The following DLGAP1 variants were observed in gnomAD, a reference collection of about 807,000 sequenced individuals.
The protein encoded by DLGAP1 is DLG associated protein 1, also known as disks large-associated protein 1.
DLGAP1 carries 11 observed loss-of-function variants against 90.8 expected under a neutral mutation model. The observed-to-expected ratio is 0.12, with a 90% CI of 0.08 to 0.20. DLGAP1 has a LOEUF of 0.20. Ranked by LOEUF, DLGAP1 falls within the 10% of genes least tolerant of loss-of-function variation. The probability of loss-of-function intolerance (pLI) is 1.00; values close to 1 mark genes in which losing one functional copy is unlikely to be tolerated. For missense variants in DLGAP1, 1,050 were observed against 1,333.8 expected (o/e 0.79, Z 3.31); for synonymous variants, 558 against 540.7 (o/e 1.03, Z -0.44).
At chr18:3,558,565 G>A (rs2053893095) in intron 9 of DLGAP1, among the ~76,000 whole-genome samples, 1 of 152,120 alleles carries the variant, frequency 6.6e-6, no homozygotes, top group Non-Finnish European at 1.5e-5. Context: ...CTGTTGGTAG[G>A]TGCATACATG....
At chr18:3,756,659 A>G (rs1310949504) in intron 5 of DLGAP1, among the ~76,000 whole-genome samples, 5 of 152,070 alleles carry the variant, frequency 3.3e-5, no homozygotes, top group Admixed American at 2.6e-4. Context: ...AGAAAAACGA[A>G]TTAGTTGTTT....
intron 1 of DLGAP1, among the ~76,000 whole-genome samples, chr18:4,413,193 A>G (rs1016026029): frequency 1.3e-5 from 2 of 152,136 alleles, no homozygotes; most frequent in Non-Finnish European, 2.9e-5. Context: ...GGAATCTAGT[A>G]TTGGTAGGAG....
intron 2 of DLGAP1, among the ~76,000 whole-genome samples, chr18:4,035,645 T>A (rs1044827082): frequency 1.3e-5 from 2 of 152,214 alleles, no homozygotes; most frequent in African/African-American, 2.4e-5. Flanking sequence ...AATAAATCCG[T>A]TGAGCTCAGA....
intron 10 of DLGAP1, among the ~76,000 whole-genome samples, chr18:3,511,808 T>C (rs781698566): frequency 3.9e-5 from 6 of 152,224 alleles, no homozygotes; most frequent in Non-Finnish European, 8.8e-5. Context: ...TCTCCACTCC[T>C]ATCCCATTCC....
intron 8 of DLGAP1, among the ~76,000 whole-genome samples, chr18:3,579,914 TGG>T (rs2055387819): frequency 6.6e-6 from 1 of 152,194 alleles, no homozygotes; most frequent in South Asian, 2.1e-4. Context: ...CCCACATCTA[TGG>T]GAAGTGATTC....
chr18:4,172,517 G>A (rs910517108), intron 1 of DLGAP1, among the ~76,000 whole-genome samples: 5 of 152,178 alleles, frequency 3.3e-5, no homozygotes, highest in African/African-American at 9.7e-5. Context: ...GGAGAGAAAT[G>A]GTGGGATTCC....
intron 10 of DLGAP1, among the ~76,000 whole-genome samples, chr18:3,518,118 A>G (rs890957704): frequency 6.6e-6 from 1 of 152,210 alleles, no homozygotes; most frequent in African/African-American, 2.4e-5. Flanking sequence ...CTTTTGATTA[A>G]AAGTGACAGA....
intron 1 of DLGAP1, among the ~76,000 whole-genome samples, chr18:4,451,992 A>G (rs1171954248): frequency 1.3e-5 from 2 of 152,182 alleles, no homozygotes; most frequent in Non-Finnish European, 2.9e-5. Context: ...GTACCAGGGG[A>G]AATATAATTA....
chr18:3,657,682 A>G (rs1477625871), intron 7 of DLGAP1, among the ~76,000 whole-genome samples: 1 of 149,500 alleles, frequency 6.7e-6, no homozygotes, highest in Non-Finnish European at 1.5e-5. Flanking sequence ...GGCTCACTGC[A>G]AGCTCCGCCT....
chr18:4,057,072 T>C (rs1389859436), intron 2 of DLGAP1, among the ~76,000 whole-genome samples: 1 of 133,926 alleles, frequency 7.5e-6, no homozygotes, highest in African/African-American at 2.8e-5. Flanking sequence ...TTACAGCAGG[T>C]AGTTAGACAG....
At position 4,060,490 on chromosome 18, in the gene DLGAP1, C is replaced by T. The variant is rs57887250; in HGVS notation, c.-158-55289G>A. Among the ~76,000 whole-genome samples, 407 of 152,318 alleles carry T rather than the reference C, an allele frequency of 2.7e-3. 4 individuals carry two copies. The highest frequency in any genetic ancestry group is 7.5e-3 in the African/African-American group (313 of 41,568). ...AATCTTCAACCTGCAACTTTAACCT[C>T]GACAGTCCTGCCTCGGAGGTTTAAA... On this transcript the variant is annotated intron_variant, in intron 2 of 12. Transcript: ENST00000315677.
chr18:4,408,750 T>C (rs1261848812), intron 1 of DLGAP1, among the ~76,000 whole-genome samples: 1 of 152,156 alleles, frequency 6.6e-6, no homozygotes, highest in African/African-American at 2.4e-5. Flanking sequence ...ACATATATTA[T>C]TCATATATTA....
intron 3 of DLGAP1, among the ~76,000 whole-genome samples, chr18:3,938,286 T>C (rs1021347751): frequency 6.6e-6 from 1 of 152,064 alleles, no homozygotes; most frequent in African/African-American, 2.4e-5. Flanking sequence ...TGCAGCTCAG[T>C]GGTAGAGATT....
At chr18:4,173,255 A>C (rs1282385519) in intron 1 of DLGAP1, among the ~76,000 whole-genome samples, 1 of 152,236 alleles carries the variant, frequency 6.6e-6, no homozygotes, top group African/African-American at 2.4e-5. Flanking sequence ...CAGGGAATTC[A>C]AGGTTTTCTG....
intron 5 of DLGAP1, among the ~76,000 whole-genome samples, chr18:3,787,480 CAAAAAAAAAAAAAAAAA>C (rs1189558362): frequency 3.1e-5 from 2 of 63,804 alleles, no homozygotes; most frequent in African/African-American, 1.3e-4. Flanking sequence ...AACTCCATCT[CAAAAAAAAAAAAAAAAA>C]AAAAAAAAAA....
At chr18:4,090,933 T>G (rs2075764988) in intron 2 of DLGAP1, among the ~76,000 whole-genome samples, 5 of 152,190 alleles carry the variant, frequency 3.3e-5, no homozygotes, top group Admixed American at 3.3e-4. Context: ...TGAGACCACA[T>G]CCTTTGCAGG....
intron 10 of DLGAP1, among the ~76,000 whole-genome samples, chr18:3,523,125 C>A (rs1409115247): frequency 6.6e-6 from 1 of 152,144 alleles, no homozygotes; most frequent in East Asian, 1.9e-4. Context: ...GTAATCCCAG[C>A]ACTTTGGGAC....
intron 7 of DLGAP1, among the ~76,000 whole-genome samples, chr18:3,641,894 G>A (rs778789274): frequency 1.3e-5 from 2 of 152,094 alleles, no homozygotes; most frequent in Non-Finnish European, 2.9e-5. Context: ...ACAGAAAACT[G>A]CAACATGAAA....
intron 3 of DLGAP1, among the ~76,000 whole-genome samples, chr18:3,985,292 A>G (rs1178702634): frequency 6.6e-6 from 1 of 152,158 alleles, no homozygotes; most frequent in Admixed American, 6.5e-5. Context: ...TGTAAAACAT[A>G]CTTTTTCAAC....
Sources: gnomAD v4.1 joint callset for allele counts (sites outside exome capture counted in the v4.1 genomes callset) on GRCh38, gnomAD v4.1.1 for gene constraint, MANE v1.5 for transcripts, NCBI Gene and HGNC (gene_info 2026-07-23, HGNC 2026-07-21) for gene names.